PDZRN3: variants seen among roughly 807,000 people sequenced by gnomAD.
The protein encoded by PDZRN3 is E3 ubiquitin-protein ligase PDZRN3.
Under a neutral mutation model 85.7 loss-of-function variants are expected in PDZRN3, and 38 were observed. The ratio of observed to expected loss-of-function variants is 0.44; its 90% confidence interval spans 0.34 to 0.58. PDZRN3 has a LOEUF of 0.58. Ranked by LOEUF, PDZRN3 falls within the 20% of genes least tolerant of loss-of-function variation. The pLI, the probability that PDZRN3 is intolerant of heterozygous loss-of-function variation, is 0.01. For synonymous variants in PDZRN3, 759 were observed against 638.0 expected (o/e 1.19, Z -2.86); for missense variants, 1,629 against 1,506.4 (o/e 1.08, Z -1.35).
chr3:73,430,831 T>C (rs1354023404), intron 3 of PDZRN3, among the ~76,000 whole-genome samples: 1 of 152,188 alleles, frequency 6.6e-6, no homozygotes, highest in Non-Finnish European at 1.5e-5. Context: ...GAGACTGTAC[T>C]CCTTGACAAC....
At chr3:73,579,777 C>T (rs1206990616) in intron 3 of PDZRN3, among the ~76,000 whole-genome samples, 1 of 152,084 alleles carries the variant, frequency 6.6e-6, no homozygotes, top group Non-Finnish European at 1.5e-5. Flanking sequence ...ATCACGGCAC[C>T]ACTGTTGAGG....
intron 3 of PDZRN3, among the ~76,000 whole-genome samples, chr3:73,443,540 C>T (rs1317914773): frequency 3.7e-5 from 5 of 136,254 alleles, no homozygotes; most frequent in African/African-American, 1.5e-4. Flanking sequence ...GGCTGGAGTT[C>T]AGTGGTACGA....
In PDZRN3 at chr3:73,624,557, C is replaced by T; in HGVS notation, c.269G>A (p.Gly90Asp). 6.6e-7 allele frequency: 1 copy of T among 1,524,358 alleles called. No individual in the cohort carries two copies. The highest frequency in any genetic ancestry group is 1.2e-5 in the South Asian group (1 of 80,878). The allele number at this position is 1,524,358 out of a possible 1,614,324, so 94.4% of individuals were successfully genotyped here. A position where few individuals can be genotyped will look rare whatever the true frequency, so the allele number is the denominator to read the frequency against. ...CAGCTGCTGCAGCTTGACCACCCGG[C>T]CGCAGCCGCGCGTCGCGTACGCGCA... Reference protein sequence around the residue: ...IKCAYATRGCGRVVKLQQLPE... With the variant: ...IKCAYATRGCDRVVKLQQLPE... The change falls in exon 1 of 10, where the codon GGC becomes GAC. Residue 90 changes from glycine (G) to aspartate (D), a missense_variant. Transcript: ENST00000263666.
At chr3:73,445,939 C>T (rs992986500) in intron 3 of PDZRN3, among the ~76,000 whole-genome samples, 2 of 152,110 alleles carry the variant, frequency 1.3e-5, no homozygotes, top group Admixed American at 6.5e-5. Flanking sequence ...CTTGCTGAAG[C>T]GAAACAGTAA....
chr3:73,502,532 T>A (rs1235539691), intron 3 of PDZRN3, among the ~76,000 whole-genome samples: 1 of 152,202 alleles, frequency 6.6e-6, no homozygotes, highest in East Asian at 1.9e-4. Flanking sequence ...TCTTTCTGAG[T>A]TTTCTTTTAC....
intron 3 of PDZRN3, among the ~76,000 whole-genome samples, chr3:73,514,830 C>T (rs1358925856): frequency 6.6e-6 from 1 of 152,126 alleles, no homozygotes; most frequent in East Asian, 1.9e-4. Context: ...GCTATGTTCC[C>T]GGTACAAAGA....
chr3:73,533,233 C>T (rs898932021), intron 3 of PDZRN3, among the ~76,000 whole-genome samples: 3 of 152,098 alleles, frequency 2.0e-5, no homozygotes, highest in Admixed American at 6.5e-5. Context: ...TTGTTTATGG[C>T]GAAAGTTAAG....
chr3:73,569,542 G>A (rs139004703), intron 3 of PDZRN3: 3 of 1,055,404 alleles, frequency 2.8e-6, no homozygotes, highest in African/African-American at 3.4e-5. Flanking sequence ...AGCTTTCTCA[G>A]AAGCCTCCCA....
chr3:73,606,747 A>T (rs1231253153), intron 2 of PDZRN3, among the ~76,000 whole-genome samples: 1 of 152,216 alleles, frequency 6.6e-6, no homozygotes, highest in African/African-American at 2.4e-5. Flanking sequence ...GTTTGATAAG[A>T]CAGATAATGT....
chr3:73,485,143 G>A lies in PDZRN3; in HGVS notation c.919-80748C>T, dbSNP rs534803653. ...TGTTCTGAGCATGAAATATTAGGTCGGTGCAAAAATAATTGCGGTTTTGCC... is the reference window on the plus strand; with the variant it reads ...TGTTCTGAGCATGAAATATTAGGTCAGTGCAAAAATAATTGCGGTTTTGCC... On this transcript the variant is annotated intron_variant, in intron 3 of 9. Transcript: ENST00000263666. 5.9e-5 allele frequency among the ~76,000 whole-genome samples: 9 copies of A among 151,906 alleles called. No individual in the cohort carries two copies. The South Asian group carries it at 1.0e-3, about 18-fold the overall frequency.
chr3:73,602,288 C>A, intron 3 of PDZRN3, 66 bp downstream of exon 3: 1 of 880,086 alleles, frequency 1.1e-6, no homozygotes, highest in Non-Finnish European at 1.9e-6. Context: ...AAACATCTTG[C>A]TTTGAGCTAG....
chr3:73,579,699 G>C (rs1443127289), intron 3 of PDZRN3, among the ~76,000 whole-genome samples: 1 of 152,196 alleles, frequency 6.6e-6, no homozygotes, highest in Non-Finnish European at 1.5e-5. Context: ...TTCACTCTGA[G>C]AGAAGTAAGA....
chr3:73,507,162 GATTTC>G (rs1427281380), intron 3 of PDZRN3, among the ~76,000 whole-genome samples: 2 of 90,906 alleles, frequency 2.2e-5, no homozygotes, highest in Admixed American at 2.9e-4. Flanking sequence ...TATAAGCATA[GATTTC>G]ATTCTCATTT....
At chr3:73,450,290 A>T (rs1702832820) in intron 3 of PDZRN3, among the ~76,000 whole-genome samples, 1 of 152,162 alleles carries the variant, frequency 6.6e-6, no homozygotes, top group South Asian at 2.1e-4. Context: ...TACCCTATAG[A>T]GCGTACTAAA....
chr3:73,496,004 C>A (rs569989632), intron 3 of PDZRN3, among the ~76,000 whole-genome samples: 1 of 151,174 alleles, frequency 6.6e-6, no homozygotes, highest in South Asian at 2.1e-4. Flanking sequence ...TATATCTGTT[C>A]TTAATTGATG....
intron 3 of PDZRN3, among the ~76,000 whole-genome samples, chr3:73,539,416 T>A (rs1704862802): frequency 6.6e-6 from 1 of 152,116 alleles, no homozygotes; most frequent in Non-Finnish European, 1.5e-5. Context: ...AGAGGTGGAA[T>A]CGATTTCCTC....
chr3:73,562,672 A>C (rs936704020), intron 3 of PDZRN3, among the ~76,000 whole-genome samples: 1 of 151,988 alleles, frequency 6.6e-6, no homozygotes. Flanking sequence ...TTTGGGGTAC[A>C]ATGGATTCAC....
chr3:73,551,819 A>C (rs1204049120), intron 3 of PDZRN3, among the ~76,000 whole-genome samples: 1 of 152,204 alleles, frequency 6.6e-6, no homozygotes, highest in Non-Finnish European at 1.5e-5. Context: ...TTCTTGAAGC[A>C]GTAGACTAAG....
intron 1 of PDZRN3, among the ~76,000 whole-genome samples, chr3:73,614,487 T>C (rs745475190): frequency 1.1e-4 from 16 of 152,224 alleles, no homozygotes; most frequent in Non-Finnish European, 1.9e-4. Flanking sequence ...ATGATGTCTG[T>C]TGTGGGACTC....
Sources: allele counts gnomAD v4.1 joint callset (sites outside exome capture counted in the v4.1 genomes callset), GRCh38; gene constraint gnomAD v4.1.1; transcripts MANE v1.5; gene names NCBI Gene and HGNC (gene_info 2026-07-23, HGNC 2026-07-21).